NEK4: variants seen among roughly 807,000 people sequenced by gnomAD.
NEK4 encodes the protein NIMA related kinase 4.
Under a neutral mutation model 98.4 loss-of-function variants are expected in NEK4, and 86 were observed. The ratio of observed to expected loss-of-function variants is 0.87; its 90% CI spans 0.73 to 1.05. The LOEUF is 1.05. Among genes scored for constraint, NEK4 ranks in the 50% least tolerant of loss-of-function variants. NEK4 has a pLI of 0.00. For synonymous variants in NEK4, 328 were observed against 342.2 expected (o/e 0.96, Z 0.46); for missense variants, 898 against 950.3 (o/e 0.94, Z 0.72).
chr3:52,748,950 G>A (rs963699354), intron 8 of NEK4, among the ~76,000 whole-genome samples: 4 of 152,044 alleles, frequency 2.6e-5, no homozygotes, highest in African/African-American at 7.2e-5. Flanking sequence ...AGCCAGGCGT[G>A]CTGGCGTATG....
In NEK4 at chr3:52,724,251, A is replaced by ACT. The variant is rs1430201708; in HGVS notation, c.2434-12383_2434-12382insAG. ...TCTTAAAACACACACACACACACAC[A>ACT]CACACACACACAAAACTGTCAAAAG... On this transcript the variant is annotated intron_variant, in intron 15 of 15. Coordinates refer to ENST00000233027, the MANE Select transcript of NEK4 (RefSeq NM_003157.6). Among the ~76,000 whole-genome samples the ACT allele has an allele frequency of 4.6e-5, 7 of 152,092 alleles. No individual in the cohort carries two copies. In the East Asian group the frequency reaches 7.7e-4, roughly 17 times the overall value.
chr3:52,729,251 C>A (rs765402518), intron 15 of NEK4, among the ~76,000 whole-genome samples: 1 of 152,044 alleles, frequency 6.6e-6, no homozygotes, highest in Non-Finnish European at 1.5e-5. Context: ...CCCCCAGAGG[C>A]CCAGTACAAA....
intron 15 of NEK4, among the ~76,000 whole-genome samples, chr3:52,728,653 C>A (rs1170556082): frequency 6.6e-6 from 1 of 152,170 alleles, no homozygotes; most frequent in African/African-American, 2.4e-5. Context: ...CAAGGGAAGA[C>A]AACCATAAGG....
At chr3:52,746,659 G>T in intron 9 of NEK4, 75 bp downstream of exon 9, 1 of 1,312,970 alleles carries the variant, frequency 7.6e-7, no homozygotes, top group South Asian at 1.4e-5. Context: ...ATGCCTTTTT[G>T]GCAATTGTTA....
chr3:52,744,270 T>TAA lies in NEK4; in HGVS notation c.1862_1863insTT (p.Lys622Ter). 6.2e-7 allele frequency: 1 copy of TAA among 1,614,010 alleles called. No individual in the cohort carries two copies. Among genetic ancestry groups the TAA allele is most frequent in the Non-Finnish European group, 8.5e-7 (1 of 1,179,866 alleles). ...AGGACATTTCTTCCTGTGACTGCTT[T>TAA]AGTCGCCTCCTCTCTCTGGCTGATA... On this transcript the variant is annotated frameshift_variant, in exon 11 of 16. Coordinates refer to ENST00000233027, the MANE Select transcript of NEK4 (RefSeq NM_003157.6). LOFTEE classifies it high-confidence loss of function.
chr3:52,746,360 G>A, intron 9 of NEK4, 150 bp from the exon 10 acceptor site: 1 of 713,546 alleles, frequency 1.4e-6, no homozygotes, highest in Non-Finnish European at 2.3e-6. Flanking sequence ...CCAAAAGTCA[G>A]TCATCTAAGA....
In NEK4 at chr3:52,743,423, G is replaced by C; in HGVS notation, c.1933C>G (p.Pro645Ala). The C allele has an allele frequency of 6.2e-7, 1 of 1,614,122 alleles. No homozygotes were observed. The highest frequency in any genetic ancestry group is 8.5e-7 in the Non-Finnish European group (1 of 1,180,014). The change falls in exon 12 of 16, where the codon CCA becomes GCA. Residue 645 changes from proline to alanine, a missense_variant. Coordinates refer to ENST00000233027, the MANE Select transcript of NEK4 (RefSeq NM_003157.6). ...TGGTCTTCTTCCTGGGGTTTTCCTGGCCCTGCTACACTCAGAGACGCTTTC... is the reference window on the plus strand; with the variant it reads ...TGGTCTTCTTCCTGGGGTTTTCCTGCCCCTGCTACACTCAGAGACGCTTTC... Reference protein sequence around the residue: ...VRKASLSVAGPGKPQEEDQPL... With the variant: ...VRKASLSVAGAGKPQEEDQPL...
At chr3:52,720,789 A>C (rs545453927) in intron 15 of NEK4, among the ~76,000 whole-genome samples, 1 of 152,270 alleles carries the variant, frequency 6.6e-6, no homozygotes, top group Admixed American at 6.5e-5. Context: ...TAAAAGGATG[A>C]GACCCTACAC....
chr3:52,746,002 C>A, intron 10 of NEK4, 59 bp downstream of exon 10: 1 of 1,499,564 alleles, frequency 6.7e-7, no homozygotes. Context: ...GGATTACATG[C>A]ATGATACACC....
chr3:52,770,599 C>G (rs1698742066), intron 1 of NEK4, 55 bp downstream of exon 1: 3 of 1,407,770 alleles, frequency 2.1e-6, no homozygotes, highest in Non-Finnish European at 2.9e-6. Context: ...CCGGTCGGCG[C>G]CCTCGGCGCA....
chr3:52,764,031 T>A (rs1559449776), intron 4 of NEK4, among the ~76,000 whole-genome samples: 1 of 152,220 alleles, frequency 6.6e-6, no homozygotes, highest in Non-Finnish European at 1.5e-5. Context: ...ACGCCTGTAA[T>A]CCCAGCACTT....
chr3:52,739,717 C>A (rs1159067681), intron 13 of NEK4, 83 bp from the exon 14 acceptor site: 3 of 1,173,186 alleles, frequency 2.6e-6, no homozygotes, highest in Non-Finnish European at 3.8e-6. Flanking sequence ...AACGACCTTT[C>A]GGGAATTATC....
chr3:52,733,834 T>C (rs890933606), intron 15 of NEK4: 10 of 366,476 alleles, frequency 2.7e-5, no homozygotes, highest in African/African-American at 1.5e-4. Flanking sequence ...AGATTCATAC[T>C]GAAGAGAATT....
At chr3:52,737,927 C>T (rs1466730990) in intron 14 of NEK4, among the ~76,000 whole-genome samples, 1 of 152,136 alleles carries the variant, frequency 6.6e-6, no homozygotes, top group Non-Finnish European at 1.5e-5. Flanking sequence ...CATTCTCCTG[C>T]CTCAGCCTCC....
chr3:52,768,734 TTG>T, intron 1 of NEK4, 130 bp from the exon 2 acceptor site: 1 of 785,590 alleles, frequency 1.3e-6, no homozygotes, highest in South Asian at 1.8e-5. Context: ...CCTATTCATT[TTG>T]TTTTTCACCA....
intron 6 of NEK4, among the ~76,000 whole-genome samples, chr3:52,752,954 A>ACACACACACACACACACACACACAC (rs1315107149): frequency 4.4e-5 from 6 of 137,370 alleles, no homozygotes; most frequent in African/African-American, 1.4e-4. Flanking sequence ...ACACACACAC[A>ACACACACACACACACACACACACAC]ATGGAATATT....
At chr3:52,738,115 T>A (rs930704118) in intron 14 of NEK4, among the ~76,000 whole-genome samples, 1 of 138,510 alleles carries the variant, frequency 7.2e-6, no homozygotes, top group Non-Finnish European at 1.6e-5. Flanking sequence ...ACCCGGCCTA[T>A]TTTTTTTTTT....
intron 15 of NEK4, among the ~76,000 whole-genome samples, chr3:52,714,948 G>T (rs2097353774): frequency 6.6e-6 from 1 of 152,216 alleles, no homozygotes; most frequent in African/African-American, 2.4e-5. Context: ...AGCGCAGGAT[G>T]GGGAAAGTAA....
intron 15 of NEK4, among the ~76,000 whole-genome samples, chr3:52,727,004 C>G (rs2097365237): frequency 7.7e-6 from 1 of 129,834 alleles, no homozygotes; most frequent in African/African-American, 2.8e-5. Flanking sequence ...GACAGAGTTT[C>G]ACTCTTGTTG....
Sources: allele counts gnomAD v4.1 joint callset (sites outside exome capture counted in the v4.1 genomes callset), GRCh38; gene constraint gnomAD v4.1.1; transcripts MANE v1.5; gene names NCBI Gene and HGNC (gene_info 2026-07-23, HGNC 2026-07-21).